Variants in EPG5 observed in about 807,000 individuals in gnomAD.
The protein encoded by EPG5 is ectopic P granules protein 5 homolog.
EPG5 carries 159 observed loss-of-function variants against 302.7 expected under a neutral mutation model. That is an observed-to-expected ratio of 0.53 (90% CI 0.46 to 0.60). The LOEUF (loss-of-function observed/expected upper bound fraction) is 0.60. EPG5 is among the 20% of genes least tolerant of loss of function. The probability of loss-of-function intolerance (pLI) is 0.00; values close to 1 mark genes in which losing one functional copy is unlikely to be tolerated. For missense variants in EPG5, 2,896 were observed against 3,092.4 expected (o/e 0.94, Z 1.51); for synonymous variants, 1,158 against 1,136.8 (o/e 1.02, Z -0.37).
chr18:45,802,373 A>G, the EPG5 span, among the ~76,000 whole-genome samples: 1 of 152,124 alleles, frequency 6.6e-6, no homozygotes, highest in East Asian at 1.9e-4. Context: ...TACAAAAATT[A>G]GCCGGGCATG....
At chr18:45,917,559 C>A (rs968996144) in intron 17 of EPG5, 120 bp downstream of exon 17, 4 of 1,210,808 alleles carry the variant, frequency 3.3e-6, no homozygotes, top group African/African-American at 3.1e-5. Context: ...ATATTTTTGC[C>A]CCATAATACG....
Position 45,955,117 on chromosome 18 carries a change from G to A in EPG5, c.285C>T (p.Ser95=). The stretch of plus-strand genomic sequence containing the variant: ...TTGGGGGCTCTGTGTTACACGTCAG[G>A]GACTCTTCATTGCTTATAGTTAAGG... The part of the protein sequence containing the change: ...LTSLTISNEE[S]LTCNTEPPKE... Residue 95 remains serine, a synonymous_variant, in exon 2 of 44, where the codon TCC becomes TCT. Coordinates refer to ENST00000282041, the MANE Select transcript of EPG5 (RefSeq NM_020964.3). The A allele has an allele frequency of 6.2e-7, 1 of 1,613,974 alleles. No individual in the cohort carries two copies. Among genetic ancestry groups the A allele is most frequent in the Non-Finnish European group, 8.5e-7 (1 of 1,179,956 alleles).
At position 45,860,339 on chromosome 18, in the gene EPG5, G is replaced by A; in HGVS notation, c.6774C>T (p.Asp2258=). 1 of 1,614,230 alleles carries A rather than the reference G, an allele frequency of 6.2e-7. No individual in the cohort carries two copies. Among genetic ancestry groups the A allele is most frequent in the Non-Finnish European group, 8.5e-7 (1 of 1,180,034 alleles). The change falls in exon 40 of 44, where the codon GAC becomes GAT. Residue 2258 remains aspartate, a synonymous_variant. Transcript: ENST00000282041. The part of the protein sequence containing the change: ...DIIVFNPPDM[D]SQTRHMALSS... ...TGAGGGCCATGTGGCGGGTCTGGCT[G>A]TCCATGTCTGAAAGGAATATAGACA...
At chr18:45,929,801 T>C (rs1209008286) in intron 12 of EPG5, among the ~76,000 whole-genome samples, 1 of 152,208 alleles carries the variant, frequency 6.6e-6, no homozygotes, top group Non-Finnish European at 1.5e-5. Context: ...CTTAACTTTA[T>C]GCATGGTTAT....
chr18:45,867,645 T>C lies in EPG5; in HGVS notation c.6329A>G (p.His2110Arg), dbSNP rs1344319821. ...VLSDAWNSSP[H>R]PETRSMIVCL... ...GACAATCATGCTGCGGGTTTCTGGG[T>C]GGGGACTGGAATTCCAGGCATCAGA... The change falls in exon 37 of 44, where the codon CAC becomes CGC. Residue 2110 changes from histidine (H) to arginine (R), a missense_variant. Coordinates refer to ENST00000282041, the MANE Select transcript of EPG5 (RefSeq NM_020964.3). The C allele has an allele frequency of 6.2e-7, 1 of 1,614,050 alleles. No homozygotes were observed. Among genetic ancestry groups the C allele is most frequent in the Non-Finnish European group, 8.5e-7 (1 of 1,179,992 alleles).
intron 7 of EPG5, 67 bp from the exon 8 acceptor site, chr18:45,944,186 GGA>G (rs1235682948): frequency 1.0e-6 from 1 of 967,172 alleles, no homozygotes; most frequent in East Asian, 2.4e-5. Context: ...TAGCGTTACA[GGA>G]GCTAAATTAT....
chr18:45,937,689 G>A (rs1568171871), intron 10 of EPG5, among the ~76,000 whole-genome samples: 1 of 151,994 alleles, frequency 6.6e-6, no homozygotes, highest in South Asian at 2.1e-4. Context: ...TTACAGGCAT[G>A]AGCCACCACG....
At chr18:45,958,216 A>G (rs1433858111) in intron 1 of EPG5, among the ~76,000 whole-genome samples, 5 of 152,178 alleles carry the variant, frequency 3.3e-5, no homozygotes, top group African/African-American at 1.2e-4. Flanking sequence ...AAGACAATCT[A>G]TGTCTTTCGC....
chr18:45,910,509 A>G lies in EPG5; in HGVS notation c.4205+12T>C. 1.3e-6 allele frequency: 2 copies of G among 1,577,830 alleles called. No homozygotes were observed. The highest frequency in any genetic ancestry group is 1.7e-6 in the Non-Finnish European group (2 of 1,162,762). On this transcript the variant is annotated intron_variant, in intron 23 of 43. Transcript: ENST00000282041. ...CAAACAACAATGTAGGTGGCTAAAT[A>G]ACCATACTCACCTCACCAGCTCCTT...
intron 2 of EPG5, chr18:45,953,995 T>C (rs1568186591): frequency 1.2e-6 from 1 of 854,182 alleles, no homozygotes; most frequent in East Asian, 1.2e-4. Flanking sequence ...ATGATTTGCT[T>C]GGCCTACACT....
At chr18:45,915,981 A>C (rs1396037801) in intron 19 of EPG5, 28 bp downstream of exon 19, 1 of 1,574,262 alleles carries the variant, frequency 6.4e-7, no homozygotes, top group East Asian at 2.2e-5. Flanking sequence ...CAATCACTGA[A>C]AGATAAATTC....
chr18:45,919,862 A>G (rs560579355), intron 16 of EPG5, among the ~76,000 whole-genome samples: 28 of 152,302 alleles, frequency 1.8e-4, no homozygotes, highest in Non-Finnish European at 3.5e-4. Context: ...TGGTGTTATT[A>G]GTACTCCCAT....
chr18:45,896,573 C>T (rs1183525067), intron 27 of EPG5, among the ~76,000 whole-genome samples: 1 of 151,892 alleles, frequency 6.6e-6, no homozygotes, highest in Non-Finnish European at 1.5e-5. Flanking sequence ...GAGACAGGGT[C>T]TCACTCTGTT....
intron 21 of EPG5, 149 bp from the exon 22 acceptor site, chr18:45,912,605 A>C: frequency 1.2e-6 from 1 of 821,792 alleles, no homozygotes; most frequent in Non-Finnish European, 1.8e-6. Context: ...TCACTTCTCC[A>C]ATCCACTAGT....
intron 43 of EPG5, 42 bp downstream of exon 43, chr18:45,855,531 G>A (rs2048497596): frequency 7.0e-7 from 1 of 1,432,338 alleles, no homozygotes; most frequent in African/African-American, 1.4e-5. Flanking sequence ...TTCTAGGGAA[G>A]ATGTGCAGGC....
At chr18:45,880,285 A>G in intron 31 of EPG5, 62 bp from the exon 32 acceptor site, 1 of 1,427,406 alleles carries the variant, frequency 7.0e-7, no homozygotes, top group Admixed American at 2.7e-5. Flanking sequence ...TTTAACTTGT[A>G]ACAAAGAATA....
intron 42 of EPG5, among the ~76,000 whole-genome samples, chr18:45,856,031 C>T (rs2048509881): frequency 6.6e-6 from 1 of 152,202 alleles, no homozygotes; most frequent in Non-Finnish European, 1.5e-5. Context: ...CCATAGGACC[C>T]AGCAATTCTG....
In EPG5 at chr18:45,928,858, A is replaced by G. The variant is rs2050334730; in HGVS notation, c.2553+11T>C. On this transcript the variant is annotated intron_variant, in intron 13 of 43. Transcript: ENST00000282041. ...TGAAAAAACAAAAACAAACAAAATC[A>G]GTGCTCTTACCATTCCAACCTGGTC... is the stretch of plus-strand genomic sequence containing the variant. 1 of 1,597,420 alleles carries G rather than the reference A, an allele frequency of 6.3e-7. No individual in the cohort carries two copies.
At chr18:45,964,924 G>C (rs946532454) in intron 1 of EPG5, among the ~76,000 whole-genome samples, 1 of 152,176 alleles carries the variant, frequency 6.6e-6, no homozygotes, top group South Asian at 2.1e-4. Flanking sequence ...CTGCACTCCA[G>C]CCTGGGCAAC....
Sources: allele counts gnomAD v4.1 joint callset (sites outside exome capture counted in the v4.1 genomes callset), GRCh38; gene constraint gnomAD v4.1.1; transcripts MANE v1.5; gene names NCBI Gene and HGNC (gene_info 2026-07-23, HGNC 2026-07-21).